Variants in DISP1 observed in about 807,000 individuals in gnomAD.
DISP1 encodes the protein dispatched RND transporter family member 1.
In DISP1, 30 loss-of-function variants were observed where a neutral mutation model predicts 37.3. The ratio of observed to expected loss-of-function variants is 0.80; its 90% CI spans 0.60 to 1.09. DISP1 has a LOEUF of 1.09. Ranked by LOEUF, DISP1 falls within the 50% of genes least tolerant of loss-of-function variation. DISP1 has a pLI of 0.00. For missense variants in DISP1, 1,598 were observed against 1,879.5 expected, an observed-to-expected ratio of 0.85 and a Z score of 2.77; for synonymous variants, 634 against 690.2, an observed-to-expected ratio of 0.92 and a Z score of 1.28.
rs554988208 is a variant in DISP1 at position 222,858,821 on chromosome 1, G to A, written c.-159+43743G>A. 4.6e-5 allele frequency among the ~76,000 whole-genome samples: 7 copies of A among 152,148 alleles called. No individual in the cohort carries two copies. In the East Asian group the frequency reaches 5.8e-4, roughly 13 times the overall value. ...AATTCAGAGTGGTGATTATTAAAAC[G>A]TCTAGAAACAACAGATGCTGGCGAG... is the stretch of plus-strand genomic sequence containing the variant. On this transcript the variant is annotated intron_variant, in intron 1 of 8. Coordinates refer to ENST00000675850, the MANE Select transcript of DISP1 (RefSeq NM_001377229.1).
intron 1 of DISP1, among the ~76,000 whole-genome samples, chr1:222,870,580 A>G (rs1669491964): frequency 6.6e-6 from 1 of 152,112 alleles, no homozygotes; most frequent in Non-Finnish European, 1.5e-5. Context: ...TGGCTGCATA[A>G]ATGTCTTCTT....
chr1:222,983,137 A>C, intron 4 of DISP1, 28 bp downstream of exon 4: 1 of 1,552,420 alleles, frequency 6.4e-7, no homozygotes, highest in Non-Finnish European at 8.9e-7. Context: ...ATCTTATTAA[A>C]TAATAAACTT....
intron 1 of DISP1, among the ~76,000 whole-genome samples, chr1:222,924,497 A>G (rs536021633): frequency 2.0e-5 from 3 of 152,300 alleles, no homozygotes; most frequent in South Asian, 2.1e-4. Context: ...GATTCCCTGC[A>G]CTGGGCTATG....
intron 1 of DISP1, among the ~76,000 whole-genome samples, chr1:222,851,123 A>G (rs1475237738): frequency 1.3e-5 from 2 of 148,826 alleles, no homozygotes; most frequent in African/African-American, 5.0e-5. Flanking sequence ...CTGAAGTGCA[A>G]TGGCACAATC....
intron 3 of DISP1, among the ~76,000 whole-genome samples, chr1:222,953,680 C>G (rs910759228): frequency 6.6e-6 from 1 of 152,172 alleles, no homozygotes; most frequent in Non-Finnish European, 1.5e-5. Flanking sequence ...GTCAAATTAA[C>G]TTTTTAAAAA....
rs773546911 is a variant in DISP1 at position 223,004,629 on chromosome 1, C to T, written c.3232C>T (p.Arg1078Cys). 1.4e-5 allele frequency: 22 copies of T among 1,613,888 alleles called. No homozygotes were observed. The highest frequency in any genetic ancestry group is 5.0e-5 in the Admixed American group (3 of 59,998). Residue 1078 changes from arginine (R) to cysteine (C), a missense_variant, in exon 9 of 9, where the codon CGC (arginine) becomes TGC (cysteine). Coordinates refer to ENST00000675850, the MANE Select transcript of DISP1 (RefSeq NM_001377229.1). The surrounding 1 kb of genome is among the most constrained non-coding windows in gnomAD (Gnocchi z 4.9). Reference protein sequence around the residue: ...REGKVIFSLSRVGSAMAMAAL... With the variant: ...REGKVIFSLSCVGSAMAMAAL... ...AGGCAAAGTGATCTTCTCTCTGAGT[C>T]GCGTGGGCTCTGCGATGGCCATGGC...
intron 1 of DISP1, among the ~76,000 whole-genome samples, chr1:222,857,168 G>A (rs1668600638): frequency 1.3e-5 from 2 of 152,060 alleles, no homozygotes; most frequent in Admixed American, 1.3e-4. Context: ...GAGGTGGGAG[G>A]ATCCCTTAAG....
chr1:222,834,993 T>TA, intron 1 of DISP1: 1 of 152,332 alleles, frequency 6.6e-6, no homozygotes, highest in African/African-American at 2.4e-5. Context: ...GCTTAATGTA[T>TA]AATTATTTGT....
At chr1:222,994,712 T>C (rs1184946779) in intron 7 of DISP1, among the ~76,000 whole-genome samples, 173 bp from the exon 8 acceptor site, 2 of 151,434 alleles carry the variant, frequency 1.3e-5, no homozygotes, top group Non-Finnish European at 2.9e-5. Flanking sequence ...TGGCATTGCT[T>C]TTTTTTTTCT....
At chr1:222,866,582 A>T (rs1386035984) in intron 1 of DISP1, among the ~76,000 whole-genome samples, 1 of 152,010 alleles carries the variant, frequency 6.6e-6, no homozygotes, top group Non-Finnish European at 1.5e-5. Context: ...TGACCTTGTG[A>T]TCCGCCCCAC....
intron 3 of DISP1, among the ~76,000 whole-genome samples, chr1:222,967,131 A>T (rs1036284716): frequency 6.6e-6 from 1 of 151,882 alleles, no homozygotes; most frequent in Middle Eastern, 3.4e-3. Flanking sequence ...CTACATATAT[A>T]TATATCTACA....
At chr1:222,983,136 A>T (rs756756234) in intron 4 of DISP1, 27 bp downstream of exon 4, 11 of 1,558,362 alleles carry the variant, frequency 7.1e-6, no homozygotes, top group Non-Finnish European at 9.7e-6. Flanking sequence ...CATCTTATTA[A>T]ATAATAAACT....
intron 1 of DISP1, among the ~76,000 whole-genome samples, chr1:222,845,549 TG>T (rs1320554406): frequency 3.3e-5 from 5 of 152,234 alleles, no homozygotes; most frequent in Non-Finnish European, 7.4e-5. Context: ...TATGTAGATT[TG>T]CAATGCAGTT....
chr1:222,957,398 G>C (rs893712880), intron 3 of DISP1, among the ~76,000 whole-genome samples: 4 of 152,052 alleles, frequency 2.6e-5, no homozygotes, highest in Non-Finnish European at 4.4e-5. Flanking sequence ...AGACCAGCCT[G>C]ACCAACATAG....
chr1:222,944,675 A>T (rs1044662186), intron 3 of DISP1, among the ~76,000 whole-genome samples: 4 of 152,340 alleles, frequency 2.6e-5, no homozygotes, highest in Admixed American at 2.6e-4. Context: ...ATCACTGCTG[A>T]GTTCTATTAC....
intron 1 of DISP1, among the ~76,000 whole-genome samples, chr1:222,912,097 G>A (rs1672245622): frequency 6.6e-6 from 1 of 152,096 alleles, no homozygotes; most frequent in South Asian, 2.1e-4. Flanking sequence ...ATTCCCAGAA[G>A]TACCTTATTT....
At chr1:222,942,289 A>G (rs1208268474) in intron 2 of DISP1, among the ~76,000 whole-genome samples, 1 of 152,120 alleles carries the variant, frequency 6.6e-6, no homozygotes, top group African/African-American at 2.4e-5. Flanking sequence ...GACTAAGGGG[A>G]AAAATCATAT....
chr1:222,851,786 T>C (rs2125310472), intron 1 of DISP1, among the ~76,000 whole-genome samples: 1 of 152,230 alleles, frequency 6.6e-6, no homozygotes, highest in South Asian at 2.1e-4. Context: ...CTTTTTTTTT[T>C]TTTTCCATTT....
intron 1 of DISP1, among the ~76,000 whole-genome samples, chr1:222,839,127 C>T (rs75366120): frequency 0.04 from 6,082 of 152,156 alleles, 145 homozygotes; most frequent in Middle Eastern, 0.078. Context: ...AGGTTGTAGA[C>T]GGGTAACACT....
Sources: gnomAD v4.1 joint callset for allele counts (sites outside exome capture counted in the v4.1 genomes callset) on GRCh38, gnomAD v4.1.1 for gene constraint, Gnocchi (gnomAD v3.1) non-coding constraint, MANE v1.5 for transcripts, NCBI Gene and HGNC (gene_info 2026-07-23, HGNC 2026-07-21) for gene names.